Variants in RBFOX1 observed in about 807,000 individuals in gnomAD.
RBFOX1 encodes RNA binding protein fox-1 homolog 1.
In RBFOX1, 8 loss-of-function variants were observed where a neutral mutation model predicts 57.7. The ratio of observed to expected loss-of-function variants is 0.14; its 90% confidence interval spans 0.08 to 0.25. The LOEUF (loss-of-function observed/expected upper bound fraction) is 0.25, where lower values mean the gene tolerates loss of function less well. RBFOX1 is among the 10% of genes least tolerant of loss of function. The pLI, the probability that RBFOX1 is intolerant of heterozygous loss-of-function variation, is 1.00. For synonymous variants in RBFOX1, 326 were observed against 222.4 expected, an observed-to-expected ratio of 1.47 and a Z score of -4.15; for missense variants, 611 against 548.5, an observed-to-expected ratio of 1.11 and a Z score of -1.14.
At position 7,713,282 on chromosome 16, in the gene RBFOX1, G is replaced by C. The variant is rs2084264588; in HGVS notation, c.*2537G>C. On this transcript the variant is annotated 3_prime_UTR_variant, in exon 16 of 16. Coordinates refer to ENST00000550418, the MANE Select transcript of RBFOX1 (RefSeq NM_018723.4). ...GTGTTTATATCACTTACAGTGGTTT[G>C]TGAATAAAGAAAACTGGTTTGTAAT... The C allele has an allele frequency of 1.3e-5, 2 of 152,194 alleles. No homozygotes were observed. Among genetic ancestry groups the C allele is most frequent in the Non-Finnish European group, 2.9e-5 (2 of 68,036 alleles). 9.4% of individuals were successfully genotyped at this position (152,194 alleles called of 1,614,324 possible). A position where few individuals can be genotyped will look rare whatever the true frequency, so the allele number is the denominator to read the frequency against.
At chr16:6,954,006 A>C (rs542636595) in intron 3 of RBFOX1, among the ~76,000 whole-genome samples, 5 of 152,300 alleles carry the variant, frequency 3.3e-5, no homozygotes, top group African/African-American at 9.6e-5. Flanking sequence ...CGCACATGTC[A>C]AGACAAGGTA....
intron 1 of RBFOX1, among the ~76,000 whole-genome samples, chr16:5,280,776 A>C (rs1489670840): frequency 6.7e-6 from 1 of 149,984 alleles, no homozygotes; most frequent in Non-Finnish European, 1.5e-5. Context: ...AACAGTTGTA[A>C]CGTCTCCTTT....
intron 3 of RBFOX1, among the ~76,000 whole-genome samples, chr16:5,770,679 A>C (rs1396157714): frequency 6.6e-6 from 1 of 152,212 alleles, no homozygotes; most frequent in Non-Finnish European, 1.5e-5. Flanking sequence ...GCACATAGCC[A>C]AGAACCCTCC....
chr16:7,291,765 C>T (rs2095780435), intron 4 of RBFOX1, among the ~76,000 whole-genome samples: 3 of 151,304 alleles, frequency 2.0e-5, no homozygotes, highest in South Asian at 4.2e-4. Context: ...GCTAGGGATG[C>T]GATAAGGATT....
At chr16:5,314,260 C>A (rs1293004115) in intron 1 of RBFOX1, among the ~76,000 whole-genome samples, 2 of 152,096 alleles carry the variant, frequency 1.3e-5, no homozygotes, top group African/African-American at 4.8e-5. Context: ...TATTGCAGAC[C>A]CAACAGATAA....
chr16:6,572,402 C>G (rs180688778), intron 2 of RBFOX1, among the ~76,000 whole-genome samples: 7 of 152,076 alleles, frequency 4.6e-5, no homozygotes, highest in Admixed American at 4.6e-4. Context: ...CTTACAGGAT[C>G]AAAACTATGC....
At chr16:6,335,881 C>G (rs801996) in intron 2 of RBFOX1, among the ~76,000 whole-genome samples, 1 of 149,852 alleles carries the variant, frequency 6.7e-6, no homozygotes, top group East Asian at 2.0e-4. Context: ...TGTGATATTT[C>G]CTATGTCCAT....
intron 4 of RBFOX1, among the ~76,000 whole-genome samples, chr16:7,471,149 G>T (rs1054851587): frequency 2.0e-5 from 3 of 152,062 alleles, no homozygotes; most frequent in African/African-American, 7.2e-5. Flanking sequence ...TTATTCTTGG[G>T]GGGATTTTCT....
At chr16:6,718,712 A>C (rs1201487022) in intron 3 of RBFOX1, among the ~76,000 whole-genome samples, 1 of 152,152 alleles carries the variant, frequency 6.6e-6, no homozygotes, top group Non-Finnish European at 1.5e-5. Context: ...TGGTTGTTGA[A>C]AAGTGTGTAC....
intron 4 of RBFOX1, among the ~76,000 whole-genome samples, chr16:7,266,057 C>G (rs1485449602): frequency 6.7e-6 from 1 of 148,388 alleles, no homozygotes; most frequent in African/African-American, 2.5e-5. Context: ...TCACTGCAAG[C>G]TCCGCCTCCC....
At chr16:5,557,257 CTCAA>C (rs1328956936) in intron 2 of RBFOX1, among the ~76,000 whole-genome samples, 8 of 135,394 alleles carry the variant, frequency 5.9e-5, no homozygotes, top group African/African-American at 2.0e-4. Flanking sequence ...GAGACTCCAT[CTCAA>C]TAAATAAATA....
intron 4 of RBFOX1, among the ~76,000 whole-genome samples, chr16:7,485,078 A>G (rs62011779): frequency 2.7e-5 from 4 of 146,112 alleles, no homozygotes; most frequent in African/African-American, 7.6e-5. Context: ...TTTTTTTTTA[A>G]TAACAGAGGA....
At chr16:5,489,861 C>G (rs2042766734) in intron 2 of RBFOX1, among the ~76,000 whole-genome samples, 1 of 152,206 alleles carries the variant, frequency 6.6e-6, no homozygotes, top group African/African-American at 2.4e-5. Context: ...GTCTTTTTCC[C>G]TCCACCAGAC....
chr16:7,433,187 G>C (rs772656594), intron 4 of RBFOX1, among the ~76,000 whole-genome samples: 1 of 152,192 alleles, frequency 6.6e-6, no homozygotes, highest in East Asian at 1.9e-4. Context: ...TTAGGAGGAA[G>C]TCTATAAAAT....
intron 1 of RBFOX1, among the ~76,000 whole-genome samples, chr16:5,406,273 G>T (rs2151451376): frequency 6.6e-6 from 1 of 152,208 alleles, no homozygotes; most frequent in African/African-American, 2.4e-5. Context: ...GATGAGTACA[G>T]CAGATGGCTG....
At chr16:7,429,485 A>C (rs2098657513) in intron 4 of RBFOX1, among the ~76,000 whole-genome samples, 1 of 152,176 alleles carries the variant, frequency 6.6e-6, no homozygotes, top group African/African-American at 2.4e-5. Context: ...CATCACATTC[A>C]TAGCTGTCTG....
intron 4 of RBFOX1, among the ~76,000 whole-genome samples, chr16:7,242,748 G>A (rs923204104): frequency 7.2e-5 from 11 of 152,188 alleles, no homozygotes; most frequent in Non-Finnish European, 1.5e-5. Context: ...ATGATGGGTT[G>A]GGTTGGACTA....
chr16:7,104,615 T>A (rs1489432575), intron 4 of RBFOX1, among the ~76,000 whole-genome samples: 1 of 152,172 alleles, frequency 6.6e-6, no homozygotes, highest in Non-Finnish European at 1.5e-5. Flanking sequence ...TGCTGTGATA[T>A]TGCTAACTCC....
At chr16:7,189,554 AACACACACACACACACAC>A (rs779531861) in intron 4 of RBFOX1, among the ~76,000 whole-genome samples, 1 of 135,810 alleles carries the variant, frequency 7.4e-6, no homozygotes, top group Non-Finnish European at 1.6e-5. Context: ...TGTCCCCCAA[AACACACACACACACACAC>A]ACACACACAC....
Sources: allele counts gnomAD v4.1 joint callset (sites outside exome capture counted in the v4.1 genomes callset), GRCh38; gene constraint gnomAD v4.1.1; transcripts MANE v1.5; gene names NCBI Gene and HGNC (gene_info 2026-07-23, HGNC 2026-07-21).